The following KCNH8 variants were observed in gnomAD, a reference collection of about 807,000 sequenced individuals.
The protein encoded by KCNH8 is potassium voltage-gated channel subfamily H member 8, also known as voltage-gated delayed rectifier potassium channel KCNH8.
Under a neutral mutation model 103.6 loss-of-function variants are expected in KCNH8, and 70 were observed. The ratio of observed to expected loss-of-function variants is 0.68; its 90% CI spans 0.56 to 0.82. The LOEUF (loss-of-function observed/expected upper bound fraction) is 0.82. KCNH8 is among the 40% of genes least tolerant of loss of function. KCNH8 has a pLI of 0.00. For missense variants in KCNH8, 1,217 were observed against 1,329.9 expected, an observed-to-expected ratio of 0.92 and a Z score of 1.32; for synonymous variants, 498 against 489.4, an observed-to-expected ratio of 1.02 and a Z score of -0.23.
rs1224717607 is a variant in KCNH8 at position 19,477,619 on chromosome 3, T to C, written c.2040+20637T>C. 2.0e-5 allele frequency among the ~76,000 whole-genome samples: 3 copies of C among 152,098 alleles called. No individual in the cohort carries two copies. The East Asian group carries it at 5.8e-4, about 29-fold the overall frequency. ...CCTCTAACAGGAATGCTTGGAATTA[T>C]GGCCAGGTGGAAGCAACAAACAAGG... is the stretch of plus-strand genomic sequence containing the variant. On this transcript the variant is annotated intron_variant, in intron 11 of 15. Coordinates refer to ENST00000328405, the MANE Select transcript of KCNH8 (RefSeq NM_144633.3).
chr3:19,504,564 A>G (rs913478907), intron 11 of KCNH8, among the ~76,000 whole-genome samples: 1 of 152,212 alleles, frequency 6.6e-6, no homozygotes, highest in South Asian at 2.1e-4. Context: ...CAAGTGGCCA[A>G]CAGTCATATG....
chr3:19,486,948 T>C (rs574947203), intron 11 of KCNH8, among the ~76,000 whole-genome samples: 1 of 152,306 alleles, frequency 6.6e-6, no homozygotes, highest in South Asian at 2.1e-4. Flanking sequence ...GCTTTCTTCT[T>C]GGACACTTTC....
At chr3:19,502,198 A>C (rs1003502578) in intron 11 of KCNH8, among the ~76,000 whole-genome samples, 5 of 151,356 alleles carry the variant, frequency 3.3e-5, no homozygotes, top group Non-Finnish European at 7.4e-5. Context: ...TAAAATACCT[A>C]GGAATCCAAC....
intron 3 of KCNH8, among the ~76,000 whole-genome samples, chr3:19,316,956 G>C (rs1414226289): frequency 2.0e-5 from 3 of 151,822 alleles, no homozygotes; most frequent in Non-Finnish European, 4.4e-5. Context: ...TGATCTTACA[G>C]ACAGAGTCAG....
intron 7 of KCNH8, among the ~76,000 whole-genome samples, chr3:19,412,305 A>G (rs2066792938): frequency 1.3e-5 from 2 of 151,998 alleles, no homozygotes; most frequent in South Asian, 4.1e-4. Flanking sequence ...AAGACTCCCT[A>G]TTCAGTAAAA....
chr3:19,207,822 T>C (rs1484176476), intron 1 of KCNH8, among the ~76,000 whole-genome samples: 12 of 151,974 alleles, frequency 7.9e-5, no homozygotes, highest in Admixed American at 5.3e-4. Flanking sequence ...AGCTGTCTCA[T>C]AGTTAATGGC....
chr3:19,437,946 T>C (rs1449036367), intron 7 of KCNH8, among the ~76,000 whole-genome samples: 1 of 152,206 alleles, frequency 6.6e-6, no homozygotes, highest in African/African-American at 2.4e-5. Flanking sequence ...GGAATTCATA[T>C]TTATATGCTG....
intron 5 of KCNH8, among the ~76,000 whole-genome samples, chr3:19,359,695 A>G (rs941486402): frequency 1.4e-4 from 22 of 152,074 alleles, no homozygotes; most frequent in Non-Finnish European, 2.9e-4. Flanking sequence ...GATGTTGCCA[A>G]TTTATGCATT....
intron 3 of KCNH8, among the ~76,000 whole-genome samples, chr3:19,323,187 C>T (rs554834210): frequency 2.7e-4 from 41 of 152,256 alleles, no homozygotes; most frequent in Non-Finnish European, 5.0e-4. Context: ...CGGTGGCTCA[C>T]GCCTGTAATC....
intron 4 of KCNH8, among the ~76,000 whole-genome samples, chr3:19,344,636 A>G (rs918565715): frequency 6.6e-6 from 1 of 152,074 alleles, no homozygotes; most frequent in Non-Finnish European, 1.5e-5. Flanking sequence ...AGGATAACAT[A>G]GTAGAATGGC....
intron 3 of KCNH8, among the ~76,000 whole-genome samples, chr3:19,329,832 G>T (rs1369931824): frequency 6.6e-6 from 1 of 151,928 alleles, no homozygotes; most frequent in East Asian, 1.9e-4. Flanking sequence ...TCAAATTATG[G>T]AATACACAAG....
At chr3:19,375,108 AT>A (rs1282058929) in intron 5 of KCNH8, among the ~76,000 whole-genome samples, 1 of 151,438 alleles carries the variant, frequency 6.6e-6, no homozygotes, top group African/African-American at 2.4e-5. Context: ...CTCAAGGAGT[AT>A]CTTTGTGGCG....
At chr3:19,510,676 T>G (rs1205706568) in intron 12 of KCNH8, among the ~76,000 whole-genome samples, 1 of 152,216 alleles carries the variant, frequency 6.6e-6, no homozygotes, top group South Asian at 2.1e-4. Context: ...ATCTTAAAAG[T>G]ACTTTCATTG....
rs1313334577 is a variant in KCNH8, at chr3:19,395,161, C to A, written c.1027C>A (p.Gln343Lys). The change falls in exon 7 of 16, where the codon CAG (glutamine) becomes AAG (lysine). Residue 343 changes from glutamine to lysine, a missense_variant. Gln to Lys is a moderately conservative substitution (Grantham distance 53). Coordinates refer to ENST00000328405, the MANE Select transcript of KCNH8 (RefSeq NM_144633.3). ...VRLLRLLRLL[Q>K]KLDRYSQHST... is the part of the protein sequence containing the mutation. ...CCTCTTGCGTCTTTTGCGTCTGCTG[C>A]AGAAGTTAGACCGCTATTCCCAACA... 6.2e-7 allele frequency: 1 copy of A among 1,611,280 alleles called. No individual in the cohort carries two copies.
chr3:19,411,138 G>A (rs985302655), intron 7 of KCNH8, among the ~76,000 whole-genome samples: 7 of 151,740 alleles, frequency 4.6e-5, no homozygotes, highest in African/African-American at 4.8e-5. Flanking sequence ...CAAACCAAAC[G>A]CAACAGCACA....
intron 1 of KCNH8, among the ~76,000 whole-genome samples, chr3:19,162,743 T>C (rs1304099639): frequency 6.6e-6 from 1 of 152,152 alleles, no homozygotes; most frequent in Non-Finnish European, 1.5e-5. Flanking sequence ...CAAAGAATCA[T>C]ATGGACACCT....
chr3:19,159,201 T>C (rs1324003899), intron 1 of KCNH8, among the ~76,000 whole-genome samples: 1 of 151,920 alleles, frequency 6.6e-6, no homozygotes, highest in Admixed American at 6.6e-5. Context: ...TTTTATAATA[T>C]TGAACTATCT....
intron 1 of KCNH8, among the ~76,000 whole-genome samples, chr3:19,199,233 T>C (rs2063632241): frequency 6.6e-6 from 1 of 152,150 alleles, no homozygotes; most frequent in Admixed American, 6.6e-5. Context: ...GAACTGAACT[T>C]AATTCTACCC....
At chr3:19,237,736 A>T (rs770440474) in intron 1 of KCNH8, among the ~76,000 whole-genome samples, 3 of 152,360 alleles carry the variant, frequency 2.0e-5, no homozygotes, top group Middle Eastern at 3.4e-3. Flanking sequence ...TCACTAAAGT[A>T]CATGAACCAC....
Sources: gnomAD v4.1 joint callset for allele counts (sites outside exome capture counted in the v4.1 genomes callset) on GRCh38, gnomAD v4.1.1 for gene constraint, MANE v1.5 for transcripts, NCBI Gene and HGNC (gene_info 2026-07-23, HGNC 2026-07-21) for gene names.